TJP3: variants seen among roughly 807,000 people sequenced by gnomAD.
The protein encoded by TJP3 is tight junction protein ZO-3.
In TJP3, 85 loss-of-function variants were observed where a neutral mutation model predicts 104.2. The ratio of observed to expected loss-of-function variants is 0.82; its 90% CI spans 0.68 to 0.98. The LOEUF is 0.98. Among genes scored for constraint, TJP3 ranks in the 50% least tolerant of loss-of-function variants. The pLI is 0.00. For missense variants in TJP3, 1,367 were observed against 1,322.8 expected (o/e 1.03, Z -0.52); for synonymous variants, 550 against 550.6 (o/e 1.00, Z 0.02).
In TJP3 at chr19:3,709,113, C is replaced by A. The variant is rs1179212565; in HGVS notation, c.-10+552C>A. ...GCAGGGAGGGATTGGGGTGGCCTTT[C>A]TTTTGCTAATTTTTTTTTTGAGACG... On this transcript the variant is annotated intron_variant, in intron 1 of 20. Transcript: ENST00000541714. Among the ~76,000 whole-genome samples the A allele has an allele frequency of 5.9e-5, 9 of 152,114 alleles. No homozygotes were observed. The East Asian group carries it at 7.7e-4, about 13-fold the overall frequency.
At position 3,736,124 on chromosome 19, in the gene TJP3, C is replaced by T. The variant is rs202067765; in HGVS notation, c.1128-41C>T. On this transcript the variant is annotated intron_variant, in intron 10 of 20. Transcript: ENST00000541714. ...GACAATGCTGAGCCCTCCCTTTGTC[C>T]GCCCACTCTGCTCTGACCCCATCTC... 7.4e-4 allele frequency: 1,156 copies of T among 1,560,330 alleles called. 5 individuals are homozygous for T. The African/African-American group carries it at 0.013, about 18-fold the overall frequency.
chr19:3,719,906 G>A lies in TJP3; in HGVS notation c.-9-8518G>A, dbSNP rs2036526929. ...GCCGCAAAAGGGAAGAGAACTACAT[G>A]CTCCTTTTTATTTATTTTGTATGGA... On this transcript the variant is annotated intron_variant, in intron 1 of 20. Transcript: ENST00000541714. Among the ~76,000 whole-genome samples, 2 of 152,138 alleles carry A rather than the reference G, an allele frequency of 1.3e-5. 1 individual carries two copies. Among genetic ancestry groups the A allele is most frequent in the South Asian group, 4.1e-4 (2 of 4,824 alleles).
Position 3,728,442 on chromosome 19 carries a change from C to G in TJP3, c.10C>G (p.Leu4Val), listed in dbSNP as rs549612772. The part of the protein sequence containing the change: MEE[L>V]TIWEQHTATL... Reference sequence around the variant, plus strand: ...CGACCAGGTGGCTGACATGGAGGAGCTGACCATCTGGGAACAGCACACGGC... The same window carrying G: ...CGACCAGGTGGCTGACATGGAGGAGGTGACCATCTGGGAACAGCACACGGC... The change falls in exon 2 of 21, where the codon CTG becomes GTG. Residue 4 changes from leucine to valine, a missense_variant. By Grantham distance (32) the Leu-to-Val change is conservative. Transcript: ENST00000541714. The G allele has an allele frequency of 4.0e-5, 64 of 1,614,110 alleles. 1 individual carries two copies. The South Asian group carries it at 6.0e-4, about 15-fold the overall frequency.
At chr19:3,738,763 C>G in intron 12 of TJP3, 100 bp downstream of exon 12, 1 of 1,325,702 alleles carries the variant, frequency 7.5e-7, no homozygotes, top group Non-Finnish European at 1.1e-6. Flanking sequence ...ATCTGCATCT[C>G]TGCACCCTCC....
intron 3 of TJP3, among the ~76,000 whole-genome samples, chr19:3,729,734 A>T (rs2036643400): frequency 6.7e-6 from 1 of 149,572 alleles, no homozygotes; most frequent in African/African-American, 2.5e-5. Flanking sequence ...GTGAGTTGAG[A>T]TCATGCTACT....
At chr19:3,711,608 TG>T (rs1363619575) in intron 1 of TJP3, among the ~76,000 whole-genome samples, 3 of 148,288 alleles carry the variant, frequency 2.0e-5, no homozygotes, top group African/African-American at 7.4e-5. Flanking sequence ...AAATACAAAA[TG>T]AGGCCGGATG....
intron 13 of TJP3, 88 bp from the exon 14 acceptor site, chr19:3,740,464 C>T: frequency 2.5e-6 from 2 of 814,714 alleles, no homozygotes; most frequent in East Asian, 6.4e-5. Context: ...GTGGCCTGTC[C>T]ACAGGCTCCG....
intron 1 of TJP3, among the ~76,000 whole-genome samples, chr19:3,722,815 T>C (rs1192874235): frequency 7.9e-6 from 1 of 126,652 alleles, no homozygotes; most frequent in Admixed American, 1.0e-4. Context: ...ATTTGTTCGC[T>C]GAAACCGCCC....
intron 2 of TJP3, 39 bp downstream of exon 2, chr19:3,728,519 T>A (rs2036627568): frequency 6.2e-7 from 1 of 1,601,692 alleles, no homozygotes. Context: ...CCAGAGAGTA[T>A]GGCGGCTTAG....
At chr19:3,737,061 G>A (rs2036747924) in intron 11 of TJP3, among the ~76,000 whole-genome samples, 1 of 150,416 alleles carries the variant, frequency 6.6e-6, no homozygotes, top group Non-Finnish European at 1.5e-5. Flanking sequence ...TGTGTTTTTA[G>A]TAGAGACAGG....
Position 3,746,698 on chromosome 19 carries a change from TG to T in TJP3, c.2221+9del, listed in dbSNP as rs756917585. The T allele has an allele frequency of 1.9e-6, 3 of 1,609,362 alleles. No individual in the cohort carries two copies. The highest frequency in any genetic ancestry group is 1.1e-5 in the South Asian group (1 of 90,498). On this transcript the variant is annotated splice_donor_region_variant and intron_variant, in intron 17 of 20. Coordinates refer to ENST00000541714, the MANE Select transcript of TJP3 (RefSeq NM_001267560.2). This position sits in a 1 kb window ranked among gnomAD's most constrained non-coding sequence, Gnocchi z 4.1. The stretch of plus-strand genomic sequence containing the variant: ...ACACAGCAGCCACCTCTTCACAGGT[TG>T]GGGGGTGGGTGTCCCAGGGTAGGCG...
chr19:3,740,475 A>T, intron 13 of TJP3, 77 bp from the exon 14 acceptor site: 9 of 964,032 alleles, frequency 9.3e-6, no homozygotes, highest in Non-Finnish European at 1.3e-5. Context: ...ACAGGCTCCG[A>T]GGGGTAGGAC....
At chr19:3,738,859 C>T (rs201962982) in intron 12 of TJP3, 38 bp from the exon 13 acceptor site, 10 of 1,527,926 alleles carry the variant, frequency 6.5e-6, no homozygotes, top group Non-Finnish European at 8.0e-6. Context: ...GATCAGGCAG[C>T]AGCCCAGGCA....
chr19:3,711,824 G>A (rs2036437184), intron 1 of TJP3, among the ~76,000 whole-genome samples: 1 of 151,580 alleles, frequency 6.6e-6, no homozygotes, highest in African/African-American at 2.4e-5. Flanking sequence ...ATACAGAGGG[G>A]AATTAATTTG....
chr19:3,709,908 G>A (rs192625634), intron 1 of TJP3, among the ~76,000 whole-genome samples: 85 of 152,226 alleles, frequency 5.6e-4, no homozygotes, highest in African/African-American at 2.0e-3. Flanking sequence ...CCAGCACTTT[G>A]GGAGGTCGAG....
chr19:3,740,842 C>T, intron 14 of TJP3, 79 bp downstream of exon 14: 2 of 1,358,890 alleles, frequency 1.5e-6, no homozygotes, highest in Non-Finnish European at 1.9e-6. Context: ...CATTCAGCCT[C>T]TAAAAGGCAC....
intron 1 of TJP3, among the ~76,000 whole-genome samples, chr19:3,716,528 G>A (rs2036478282): frequency 6.8e-6 from 1 of 147,942 alleles, no homozygotes; most frequent in Non-Finnish European, 1.5e-5. Context: ...GCTGCAAAGT[G>A]GGCGCACGAG....
intron 1 of TJP3, among the ~76,000 whole-genome samples, chr19:3,717,683 C>T (rs2036494187): frequency 6.6e-6 from 1 of 152,042 alleles, no homozygotes; most frequent in African/African-American, 2.4e-5. Context: ...ATCCTCCTGC[C>T]TTGGCCTCCC....
chr19:3,736,044 T>G, intron 10 of TJP3, 109 bp downstream of exon 10: 2 of 1,574,676 alleles, frequency 1.3e-6, no homozygotes, highest in Non-Finnish European at 1.7e-6. Flanking sequence ...AGTGGGACCA[T>G]TAAGTGGGGG....
Sources: gnomAD v4.1 joint callset for allele counts (sites outside exome capture counted in the v4.1 genomes callset) on GRCh38, gnomAD v4.1.1 for gene constraint, Gnocchi (gnomAD v3.1) non-coding constraint, MANE v1.5 for transcripts, NCBI Gene and HGNC (gene_info 2026-07-23, HGNC 2026-07-21) for gene names.